Variants in KIF2C observed in about 807,000 individuals in gnomAD.
The protein encoded by KIF2C is kinesin family member 2C.
Under a neutral mutation model 97.4 loss-of-function variants are expected in KIF2C, and 34 were observed. The observed-to-expected ratio is 0.35, with a 90% CI of 0.27 to 0.46. The LOEUF is 0.46. KIF2C is among the 20% of genes least tolerant of loss of function. KIF2C has a pLI of 1.00. For synonymous variants in KIF2C, 313 were observed against 318.2 expected, an observed-to-expected ratio of 0.98 and a Z score of 0.17; for missense variants, 750 against 907.6, an observed-to-expected ratio of 0.83 and a Z score of 2.23.
intron 16 of KIF2C, among the ~76,000 whole-genome samples, chr1:44,761,575 T>C (rs992682712): frequency 1.3e-5 from 2 of 150,912 alleles, no homozygotes; most frequent in African/African-American, 2.4e-5. Flanking sequence ...ACCACTGCAC[T>C]CTGGTCTGGG....
chr1:44,746,655 G>A, intron 2 of KIF2C: 1 of 1,556,578 alleles, frequency 6.4e-7, no homozygotes. Context: ...ATCTGCTGTG[G>A]AGTACCCGAC....
At chr1:44,750,398 C>G (rs377310724) in intron 4 of KIF2C, 44 bp from the exon 5 acceptor site, 12 of 1,333,450 alleles carry the variant, frequency 9.0e-6, no homozygotes, top group Non-Finnish European at 1.1e-5. Flanking sequence ...TGACCACCCT[C>G]GAGATCGTGC....
intron 13 of KIF2C, 57 bp downstream of exon 13, chr1:44,758,197 T>G: frequency 6.6e-7 from 1 of 1,518,044 alleles, no homozygotes; most frequent in Non-Finnish European, 9.1e-7. Context: ...TTTTAAAACC[T>G]TGAAGCTGGC....
chr1:44,746,474 C>T lies in KIF2C; in HGVS notation c.166-910C>T, dbSNP rs1649201528. ...AGGTAGTCTTAGGGTTAGGTAGCAG[C>T]TGTCAGGAACTTGCCCCTGCCCATA... On this transcript the variant is annotated intron_variant, in intron 2 of 20. Transcript: ENST00000372224. The T allele has an allele frequency of 8.1e-6, 10 of 1,232,808 alleles. No individual in the cohort carries two copies. The South Asian group carries it at 3.1e-4, about 39-fold the overall frequency. The allele number at this position is 1,232,808 out of a possible 1,614,324, so 76.4% of individuals were successfully genotyped here. A position where few individuals can be genotyped will look rare whatever the true frequency, so the allele number is the denominator to read the frequency against.
Position 44,757,952 on chromosome 1 carries a change from A to G in KIF2C, c.1113A>G (p.Lys371=). Residue 371 remains lysine, a synonymous_variant, in exon 12 of 21, where the codon AAA becomes AAG. Coordinates refer to ENST00000372224, the MANE Select transcript of KIF2C (RefSeq NM_006845.4). ...CTGGGAAAGCCCAGAATGCATCCAA[A>G]GGGATCTATGCCATGGCCTGTAAGT... The part of the protein sequence containing the change: ...DLSGKAQNAS[K]GIYAMASRDV... The G allele has an allele frequency of 6.2e-7, 1 of 1,614,202 alleles. No homozygotes were observed. Among genetic ancestry groups the G allele is most frequent in the Non-Finnish European group, 8.5e-7 (1 of 1,180,032 alleles).
At position 44,760,202 on chromosome 1, in the gene KIF2C, C is replaced by T. The variant is rs1557599417; in HGVS notation, c.1368-78C>T. On this transcript the variant is annotated intron_variant, in intron 14 of 20. Coordinates refer to ENST00000372224, the MANE Select transcript of KIF2C (RefSeq NM_006845.4). The surrounding 1 kb of genome is among the most constrained non-coding windows in gnomAD (Gnocchi z 4.2). Reference sequence around the variant, plus strand: ...TTCGCCTCCTAACCTGTGTCCCTCCCTTCCTAGAGAACTTCTGTGGACTTG... The same window carrying T: ...TTCGCCTCCTAACCTGTGTCCCTCCTTTCCTAGAGAACTTCTGTGGACTTG... 3.7e-6 allele frequency: 5 copies of T among 1,362,786 alleles called. No individual in the cohort carries two copies. Among genetic ancestry groups the T allele is most frequent in the African/African-American group, 2.9e-5 (2 of 69,872 alleles). 84.4% of individuals were successfully genotyped at this position (1,362,786 alleles called of 1,614,324 possible).
At chr1:44,750,604 C>A in intron 5 of KIF2C, 40 bp downstream of exon 5, 1 of 1,458,236 alleles carries the variant, frequency 6.9e-7, no homozygotes, top group Non-Finnish European at 9.2e-7. Context: ...TGTTTGAGGC[C>A]CTGGAGCACA....
Position 44,762,116 on chromosome 1 carries a change from G to C in KIF2C, c.1751+133G>C. ...CTGTGACTCTGAACCTGAGGCTTGG[G>C]AGTTCCGCCGTGATGCTAGGTCTGT... On this transcript the variant is annotated intron_variant, in intron 17 of 20. Coordinates refer to ENST00000372224, the MANE Select transcript of KIF2C (RefSeq NM_006845.4). The C allele has an allele frequency of 4.4e-6, 4 of 911,316 alleles. No individual in the cohort carries two copies. The South Asian group carries it at 5.5e-5, about 12-fold the overall frequency. 56.5% of individuals were successfully genotyped at this position (911,316 alleles called of 1,614,324 possible).
At chr1:44,763,684 G>T (rs1448187029) in intron 19 of KIF2C, among the ~76,000 whole-genome samples, 1 of 152,106 alleles carries the variant, frequency 6.6e-6, no homozygotes, top group Admixed American at 6.6e-5. Context: ...GCCTGGTTTG[G>T]GGGCTTGAGA....
intron 13 of KIF2C, chr1:44,758,930 C>CT: frequency 2.3e-6 from 1 of 432,714 alleles, no homozygotes; most frequent in South Asian, 2.5e-5. Flanking sequence ...TAAGCACTAC[C>CT]TGTCTCACCT....
At chr1:44,746,799 A>G (rs952715582) in intron 2 of KIF2C, 5 of 1,580,102 alleles carry the variant, frequency 3.2e-6, no homozygotes, top group Non-Finnish European at 4.3e-6. Context: ...TTTTATAGCT[A>G]TTCATACTTA....
intron 11 of KIF2C, 30 bp downstream of exon 11, chr1:44,757,676 C>A: frequency 6.7e-7 from 1 of 1,492,176 alleles, no homozygotes; most frequent in Non-Finnish European, 9.4e-7. Context: ...GGGGAAAGAG[C>A]CTTTCCCTTG....
Position 44,760,303 on chromosome 1 carries a change from A to G in KIF2C, c.1391A>G (p.Asn464Ser). The stretch of plus-strand genomic sequence containing the variant: ...AGAACCTCTGGGCAGACATTTGCCA[A>G]CTCCAATTCCTCCCGCTCCCACGCG... ...ACRTSGQTFANSNSSRSHACF... is the reference protein window; with the variant it reads ...ACRTSGQTFASSNSSRSHACF... The change falls in exon 15 of 21, where the codon AAC becomes AGC. Residue 464 changes from asparagine to serine, a missense_variant. Asn to Ser is a conservative substitution (Grantham distance 46). Coordinates refer to ENST00000372224, the MANE Select transcript of KIF2C (RefSeq NM_006845.4). This position sits in a 1 kb window ranked among gnomAD's most constrained non-coding sequence, Gnocchi z 4.2. 1 of 1,613,976 alleles carries G rather than the reference A, an allele frequency of 6.2e-7. No individual in the cohort carries two copies. The highest frequency in any genetic ancestry group is 8.5e-7 in the Non-Finnish European group (1 of 1,180,008).
chr1:44,754,989 C>G, intron 8 of KIF2C, 144 bp downstream of exon 8: 1 of 595,542 alleles, frequency 1.7e-6, no homozygotes, highest in South Asian at 2.1e-5. Flanking sequence ...GGGTCTCACT[C>G]TGTCACCCAG....
At chr1:44,741,064 G>A in intron 2 of KIF2C, 57 bp downstream of exon 2, 1 of 1,336,308 alleles carries the variant, frequency 7.5e-7, no homozygotes, top group Non-Finnish European at 1.1e-6. Context: ...TAAAGGATCT[G>A]TGCAGAAGTG....
chr1:44,740,787 T>TG (rs1162674886), intron 1 of KIF2C, 126 bp from the exon 2 acceptor site: 4 of 431,592 alleles, frequency 9.3e-6, no homozygotes, highest in Non-Finnish European at 1.7e-5. Flanking sequence ...TAGTTTTTTT[T>TG]TTTTTTTTTT....
Position 44,760,179 on chromosome 1 carries a change from C to T in KIF2C, c.1368-101C>T, listed in dbSNP as rs1650061072. On this transcript the variant is annotated intron_variant, in intron 14 of 20. Transcript: ENST00000372224. This position sits in a 1 kb window ranked among gnomAD's most constrained non-coding sequence, Gnocchi z 4.2. ...CTGGGACAGGAAAACAGGACTTTTT[C>T]GCCTCCTAACCTGTGTCCCTCCCTT... The T allele has an allele frequency of 3.9e-6, 4 of 1,021,782 alleles. No individual in the cohort carries two copies. Among genetic ancestry groups the T allele is most frequent in the Non-Finnish European group, 2.9e-6 (2 of 682,054 alleles). The allele number at this position is 1,021,782 out of a possible 1,614,324, so 63.3% of individuals were successfully genotyped here.
At chr1:44,745,358 C>CA (rs1553154709) in intron 2 of KIF2C, among the ~76,000 whole-genome samples, 1 of 134,994 alleles carries the variant, frequency 7.4e-6, no homozygotes, top group African/African-American at 2.7e-5. Flanking sequence ...TTCTATCCTC[C>CA]TTTTTTTTTT....
At chr1:44,740,638 CTCTA>C (rs758792142) in intron 1 of KIF2C, among the ~76,000 whole-genome samples, 3 of 152,110 alleles carry the variant, frequency 2.0e-5, no homozygotes, top group Non-Finnish European at 2.9e-5. Flanking sequence ...CTTTTGTAGG[CTCTA>C]TCTCTCTTTT....
Sources: allele counts gnomAD v4.1 joint callset (sites outside exome capture counted in the v4.1 genomes callset), GRCh38; gene constraint gnomAD v4.1.1; non-coding constraint Gnocchi (gnomAD v3.1); transcripts MANE v1.5; gene names NCBI Gene and HGNC (gene_info 2026-07-23, HGNC 2026-07-21).